CD36: variants seen among roughly 807,000 people sequenced by gnomAD.
CD36 encodes the protein platelet glycoprotein 4.
CD36 carries 119 observed loss-of-function variants against 55.2 expected under a neutral mutation model. The observed-to-expected ratio is 2.15, with a 90% CI of 1.86 to 2.51. CD36 has a LOEUF of 2.51. Among genes scored for constraint, CD36 ranks in the 30% most tolerant of loss-of-function variants. CD36 has a pLI of 0.00. For synonymous variants in CD36, 186 were observed against 193.6 expected (o/e 0.96, Z 0.33); for missense variants, 819 against 555.5 (o/e 1.47, Z -4.77).
chr7:80,656,489 T>C (rs1226450822), intron 3 of CD36, 51 bp from the exon 4 acceptor site: 2 of 1,541,428 alleles, frequency 1.3e-6, no homozygotes, highest in African/African-American at 2.7e-5. Context: ...CTTCCAGAAG[T>C]GCCTGTACTT....
chr7:80,641,221 CTAATGACCTTATGTTGATGAAACA>C (rs1554336021), intron 1 of CD36, among the ~76,000 whole-genome samples: 1 of 151,982 alleles, frequency 6.6e-6, no homozygotes, highest in Non-Finnish European at 1.5e-5. Context: ...AAAGAATGAC[CTAATGACCTTATGTTGATGAAACA>C]TAATCATAGT....
intron 4 of CD36, 57 bp downstream of exon 4, chr7:80,656,757 A>C (rs1158034045): frequency 6.1e-6 from 9 of 1,475,554 alleles, no homozygotes; most frequent in Non-Finnish European, 6.6e-6. Context: ...ATTTCTGAGA[A>C]GTCTTCTACT....
At chr7:80,630,194 C>T (rs552716123) in intron 1 of CD36, among the ~76,000 whole-genome samples, 1 of 151,968 alleles carries the variant, frequency 6.6e-6, no homozygotes, top group Non-Finnish European at 1.5e-5. Flanking sequence ...TATTTGCAGA[C>T]CCATCATTGT....
intron 4 of CD36, among the ~76,000 whole-genome samples, chr7:80,659,291 A>T (rs956685603): frequency 3.9e-5 from 6 of 152,196 alleles, no homozygotes; most frequent in Admixed American, 3.3e-4. Context: ...CACAGGCTGT[A>T]TTTGGCCATT....
At chr7:80,671,890 A>G (rs1379611518) in intron 10 of CD36, 32 bp from the exon 11 acceptor site, 1 of 1,599,214 alleles carries the variant, frequency 6.3e-7, no homozygotes, top group Non-Finnish European at 8.6e-7. Context: ...GGAAGTTATT[A>G]ATTCCAATTG....
chr7:80,606,592 C>G (rs1022010970), intron 1 of CD36, among the ~76,000 whole-genome samples: 3 of 152,174 alleles, frequency 2.0e-5, no homozygotes, highest in Admixed American at 6.5e-5. Context: ...CTACTGTGCT[C>G]AGTCTCTTAG....
At chr7:80,606,769 C>T (rs955195080) in intron 1 of CD36, among the ~76,000 whole-genome samples, 1 of 152,170 alleles carries the variant, frequency 6.6e-6, no homozygotes, top group Non-Finnish European at 1.5e-5. Flanking sequence ...ACAGCATGCA[C>T]AGTACTGTTC....
intron 1 of CD36, among the ~76,000 whole-genome samples, chr7:80,620,649 C>A (rs1289871104): frequency 6.6e-6 from 1 of 152,052 alleles, no homozygotes; most frequent in Non-Finnish European, 1.5e-5. Context: ...GGGTGGGATC[C>A]TGTCTGGGGA....
At chr7:80,636,235 A>C (rs964923513), upstream of CD36, among the ~76,000 whole-genome samples, 3 of 152,000 alleles carry the variant, frequency 2.0e-5, no homozygotes, top group African/African-American at 7.2e-5. Flanking sequence ...GTGCCTAGAA[A>C]TTTTCAGGCT....
chr7:80,606,288 TATTAA>T (rs947493376), intron 1 of CD36, among the ~76,000 whole-genome samples: 1 of 151,942 alleles, frequency 6.6e-6, no homozygotes, highest in African/African-American at 2.4e-5. Context: ...TTTTTTTTTG[TATTAA>T]ATTCTCAGGT....
chr7:80,668,268 T>C (rs1797312588), intron 8 of CD36, among the ~76,000 whole-genome samples: 1 of 152,046 alleles, frequency 6.6e-6, no homozygotes, highest in Non-Finnish European at 1.5e-5. Context: ...TTGACAATAA[T>C]AGAAATGCAT....
chr7:80,674,951 C>G (rs921300318), intron 14 of CD36, among the ~76,000 whole-genome samples: 2 of 152,080 alleles, frequency 1.3e-5, no homozygotes, highest in Non-Finnish European at 2.9e-5. Context: ...TTTCCAATAG[C>G]CTGGATTCAT....
At chr7:80,604,390 T>TTTTTTTTAGC (rs144014175) in intron 1 of CD36, among the ~76,000 whole-genome samples, 1 of 109,642 alleles carries the variant, frequency 9.1e-6, no homozygotes. Flanking sequence ...TTTTTTTTTT[T>TTTTTTTTAGC]AGCAAAGTAT....
chr7:80,609,858 GTGATC>G (rs1433071254), intron 1 of CD36, among the ~76,000 whole-genome samples: 2 of 152,184 alleles, frequency 1.3e-5, no homozygotes, highest in Non-Finnish European at 2.9e-5. Flanking sequence ...CTTTTGGCTT[GTGATC>G]TGTTGGTGAA....
At chr7:80,614,401 G>A (rs1793033661) in intron 1 of CD36, among the ~76,000 whole-genome samples, 1 of 151,908 alleles carries the variant, frequency 6.6e-6, no homozygotes, top group South Asian at 2.1e-4. Context: ...TACACCCACT[G>A]GCCAACAAGA....
Position 80,661,136 on chromosome 7 carries a change from G to C in CD36, c.355G>C (p.Gly119Arg). 3 of 1,613,882 alleles carry C rather than the reference G, an allele frequency of 1.9e-6. No homozygotes were observed. The highest frequency in any genetic ancestry group is 1.7e-5 in the Admixed American group (1 of 60,016). Residue 119 changes from glycine (G) to arginine (R), a missense_variant, in exon 5 of 15, where the codon GGT (glycine) becomes CGT (arginine). Transcript: ENST00000447544. ...CACAGTCTCTTTCCTGCAGCCCAAT[G>C]GTGCCATCTTCGAACCTTCACTATC... Reference protein sequence around the residue: ...DNTVSFLQPNGAIFEPSLSVG... With the variant: ...DNTVSFLQPNRAIFEPSLSVG...
chr7:80,625,522 A>G (rs991658959), intron 1 of CD36, among the ~76,000 whole-genome samples: 1 of 152,192 alleles, frequency 6.6e-6, no homozygotes, highest in Non-Finnish European at 1.5e-5. Context: ...TGCTCATTCA[A>G]AAAATCATAA....
intron 1 of CD36, among the ~76,000 whole-genome samples, chr7:80,607,518 C>A (rs867568176): frequency 6.6e-6 from 1 of 152,046 alleles, no homozygotes; most frequent in Non-Finnish European, 1.5e-5. Context: ...AAGTTAGTGA[C>A]CTTTTATGCC....
At chr7:80,605,491 G>C (rs1248983405) in intron 1 of CD36, among the ~76,000 whole-genome samples, 1 of 148,042 alleles carries the variant, frequency 6.8e-6, no homozygotes, top group Non-Finnish European at 1.5e-5. Context: ...AGTCTCTGGG[G>C]GAAAAAAAAT....
Sources: allele counts gnomAD v4.1 joint callset (sites outside exome capture counted in the v4.1 genomes callset), GRCh38; gene constraint gnomAD v4.1.1; transcripts MANE v1.5; gene names NCBI Gene and HGNC (gene_info 2026-07-23, HGNC 2026-07-21).